Variants in EXD2 observed in about 807,000 individuals in gnomAD.
The protein encoded by EXD2 is exonuclease 3'-5' domain containing 2.
EXD2 carries 40 observed loss-of-function variants against 62.5 expected under a neutral mutation model. The ratio of observed to expected loss-of-function variants is 0.64; its 90% CI spans 0.50 to 0.83. The LOEUF is 0.83. EXD2 is among the 40% of genes least tolerant of loss of function. EXD2 has a pLI of 0.00. For synonymous variants in EXD2, 239 were observed against 291.9 expected (o/e 0.82, Z 1.85); for missense variants, 671 against 761.8 (o/e 0.88, Z 1.40).
rs78583077 is a variant in EXD2 at position 69,224,633 on chromosome 14, A to G, written c.334-4183A>G. Among the ~76,000 whole-genome samples, 40 of 152,236 alleles carry G rather than the reference A, an allele frequency of 2.6e-4. No homozygotes were observed. The East Asian group carries it at 7.1e-3, about 27-fold the overall frequency. ...TGCAGTCACCAAAATATTTTTTTTA[A>G]ATGCAAATTAGATTGTGTCAGTCCT... On this transcript the variant is annotated intron_variant, in intron 3 of 9. Coordinates refer to ENST00000685843, the MANE Select transcript of EXD2 (RefSeq NM_001193360.2).
chr14:69,212,699 A>ATTTTCTTT (rs747694470), intron 3 of EXD2, among the ~76,000 whole-genome samples: 3 of 57,316 alleles, frequency 5.2e-5, no homozygotes, highest in Non-Finnish European at 6.0e-5. Context: ...ATGGTTCTTG[A>ATTTTCTTT]TTTTTTTTTT....
chr14:69,210,448 C>CA (rs1594744819), intron 3 of EXD2, among the ~76,000 whole-genome samples: 1 of 152,134 alleles, frequency 6.6e-6, no homozygotes, highest in East Asian at 1.9e-4. Flanking sequence ...TAGACCATGG[C>CA]AATAAAGCAA....
chr14:69,192,789 T>A (rs1422513828), intron 1 of EXD2, among the ~76,000 whole-genome samples: 1 of 152,242 alleles, frequency 6.6e-6, no homozygotes, highest in Admixed American at 6.5e-5. Context: ...TGGAATTTTT[T>A]CTTTGTCAGT....
chr14:69,237,687 T>C lies in EXD2; in HGVS notation c.1405T>C (p.Tyr469His), dbSNP rs36018174. The part of the protein sequence containing the change: ...CTSCHAISNY[Y>H]DNHLKQQLAK... ...CTCCTGCCATGCCATTTCCAACTACTATGACAACCATCTGAAGCAGCAGCT... is the reference window on the plus strand; with the variant it reads ...CTCCTGCCATGCCATTTCCAACTACCATGACAACCATCTGAAGCAGCAGCT... Residue 469 changes from tyrosine to histidine, a missense_variant, in exon 9 of 10, where the codon TAT becomes CAT. Coordinates refer to ENST00000685843, the MANE Select transcript of EXD2 (RefSeq NM_001193360.2). 8.6e-5 allele frequency: 139 copies of C among 1,614,092 alleles called. No individual in the cohort carries two copies. The highest frequency in any genetic ancestry group is 9.5e-5 in the Non-Finnish European group (112 of 1,180,044).
intron 2 of EXD2, among the ~76,000 whole-genome samples, chr14:69,206,029 A>G (rs1237788820): frequency 1.3e-5 from 2 of 151,872 alleles, no homozygotes; most frequent in African/African-American, 4.8e-5. Context: ...AGTGATTCTC[A>G]TGCCTCAGCC....
chr14:69,214,631 T>C (rs900442651), intron 3 of EXD2, among the ~76,000 whole-genome samples: 1 of 152,188 alleles, frequency 6.6e-6, no homozygotes, highest in Non-Finnish European at 1.5e-5. Context: ...GTAAGATTGC[T>C]AGGACTCCAG....
chr14:69,220,556 C>CT (rs1390662687), intron 3 of EXD2, among the ~76,000 whole-genome samples: 1 of 136,486 alleles, frequency 7.3e-6, no homozygotes, highest in Non-Finnish European at 1.6e-5. Flanking sequence ...CCGTGCTGGG[C>CT]ATTTTTTTTT....
At chr14:69,213,127 A>G (rs1262575486) in intron 3 of EXD2, among the ~76,000 whole-genome samples, 1 of 126,524 alleles carries the variant, frequency 7.9e-6, no homozygotes, top group Non-Finnish European at 1.6e-5. Context: ...TCTTTTGCCC[A>G]GGCTGGAATG....
Position 69,236,029 on chromosome 14 carries a change from C to T in EXD2, c.1050-17C>T. 1 of 1,601,282 alleles carries T rather than the reference C, an allele frequency of 6.2e-7. No homozygotes were observed. The highest frequency in any genetic ancestry group is 8.6e-7 in the Non-Finnish European group (1 of 1,168,328). On this transcript the variant is annotated splice_polypyrimidine_tract_variant and intron_variant, in intron 6 of 9. Transcript: ENST00000685843. ...AGTTAGCTTCCGGTTTGAGATTTCT[C>T]TTTCCTTTCCCTGCAGAAAATCACC... is the stretch of plus-strand genomic sequence containing the variant.
chr14:69,219,960 A>G (rs1364010671), intron 3 of EXD2, among the ~76,000 whole-genome samples: 1 of 152,108 alleles, frequency 6.6e-6, no homozygotes, highest in Non-Finnish European at 1.5e-5. Context: ...TATCTGCAGT[A>G]GGTTTGTAGA....
At chr14:69,204,752 T>C (rs2042529435) in intron 2 of EXD2, among the ~76,000 whole-genome samples, 1 of 152,202 alleles carries the variant, frequency 6.6e-6, no homozygotes, top group Non-Finnish European at 1.5e-5. Flanking sequence ...TCGATAAGGT[T>C]AAAAAACTTT....
intron 3 of EXD2, among the ~76,000 whole-genome samples, chr14:69,221,287 A>G (rs1316544980): frequency 1.3e-5 from 2 of 152,190 alleles, no homozygotes. Flanking sequence ...TTTACTTAAA[A>G]TGTTTAGTTA....
chr14:69,237,889 T>C lies in EXD2; in HGVS notation c.1607T>C (p.Val536Ala). Residue 536 changes from valine to alanine, a missense_variant, in exon 9 of 10, where the codon GTC (valine) becomes GCC (alanine). By Grantham distance (64) the Val-to-Ala change is moderately conservative. Transcript: ENST00000685843. ...AGAGAGTTTTATAACACAGACGTGG[T>C]CACAGAGGAGATGCTTCAAGAGGCT... ...ALREFYNTDVVTEEMLQEAAS... is the reference protein window; with the variant it reads ...ALREFYNTDVATEEMLQEAAS... 1 of 1,592,060 alleles carries C rather than the reference T, an allele frequency of 6.3e-7. No homozygotes were observed.
rs961103962 is a variant in EXD2 at position 69,241,989 on chromosome 14, G to A, written c.*889G>A. Reference sequence around the variant, plus strand: ...GTTCCCCTGTATTCTGTGCTTCATCGAATTTGCAAGACTGACCTCTTTTAA... The same window carrying A: ...GTTCCCCTGTATTCTGTGCTTCATCAAATTTGCAAGACTGACCTCTTTTAA... On this transcript the variant is annotated 3_prime_UTR_variant, in exon 10 of 10. Transcript: ENST00000685843. 13 of 398,292 alleles carry A rather than the reference G, an allele frequency of 3.3e-5. No homozygotes were observed. Among genetic ancestry groups the A allele is most frequent in the Non-Finnish European group, 5.3e-5 (12 of 226,046 alleles). The allele number at this position is 398,292 out of a possible 1,614,324, so 24.7% of individuals were successfully genotyped here.
intron 1 of EXD2, among the ~76,000 whole-genome samples, chr14:69,201,314 G>C (rs896707301): frequency 4.0e-5 from 6 of 151,720 alleles, no homozygotes; most frequent in Admixed American, 2.6e-4. Flanking sequence ...TCAGCCTCCT[G>C]AGTAACTGGG....
chr14:69,217,692 C>T (rs530194731), intron 3 of EXD2, among the ~76,000 whole-genome samples: 2 of 152,160 alleles, frequency 1.3e-5, no homozygotes, highest in East Asian at 1.9e-4. Flanking sequence ...CTTCCCCCTC[C>T]CCCCACTCCA....
chr14:69,227,546 C>A (rs1343735549), intron 3 of EXD2, among the ~76,000 whole-genome samples: 2 of 152,102 alleles, frequency 1.3e-5, no homozygotes, highest in Non-Finnish European at 2.9e-5. Flanking sequence ...TTATCTATGA[C>A]CCCAAAAAGA....
chr14:69,215,114 C>A (rs180691127), intron 3 of EXD2, among the ~76,000 whole-genome samples: 1 of 151,924 alleles, frequency 6.6e-6, no homozygotes, highest in African/African-American at 2.4e-5. Context: ...ATGGTGAAAC[C>A]CCGTCTCTAC....
In EXD2 at chr14:69,191,557, CCGCTGCAGGTGTGCGG is replaced by C. The variant is rs1452312361; in HGVS notation, c.-164_-149del. 1 of 152,370 alleles carries C rather than the reference CCGCTGCAGGTGTGCGG, an allele frequency of 6.6e-6. No individual in the cohort carries two copies. The highest frequency in any genetic ancestry group is 1.5e-5 in the Non-Finnish European group (1 of 68,178). 9.4% of individuals were successfully genotyped at this position (152,370 alleles called of 1,614,324 possible). ...CAGGTTCCAGGTCTTTAACGTGAGC[CCGCTGCAGGTGTGCGG>C]CCCAGTCCGAGACAGCAGGTAAGTG... On this transcript the variant is annotated 5_prime_UTR_variant, in exon 1 of 10. Transcript: ENST00000685843.
Sources: allele counts gnomAD v4.1 joint callset (sites outside exome capture counted in the v4.1 genomes callset), GRCh38; gene constraint gnomAD v4.1.1; transcripts MANE v1.5; gene names NCBI Gene and HGNC (gene_info 2026-07-23, HGNC 2026-07-21).